Variants in GPHN observed in about 807,000 individuals in gnomAD.
The protein encoded by GPHN is gephyrin.
In GPHN, 17 loss-of-function variants were observed where a neutral mutation model predicts 95.5. The observed-to-expected ratio is 0.18, with a 90% CI of 0.12 to 0.27. GPHN has a LOEUF of 0.27. Ranked by LOEUF, GPHN falls within the 10% of genes least tolerant of loss-of-function variation. GPHN has a pLI of 1.00. For synonymous variants in GPHN, 320 were observed against 322.5 expected (o/e 0.99, Z 0.08); for missense variants, 660 against 978.1 (o/e 0.67, Z 4.34).
intron 1 of GPHN, among the ~76,000 whole-genome samples, chr14:66,639,945 A>G (rs1043722778): frequency 6.6e-6 from 1 of 152,134 alleles, no homozygotes; most frequent in African/African-American, 2.4e-5. Context: ...GTAACTGGGT[A>G]TTCATTGGAG....
the GPHN span, among the ~76,000 whole-genome samples, chr14:67,638,380 G>A: frequency 6.7e-6 from 1 of 148,538 alleles, no homozygotes. Flanking sequence ...AAAAAAAAAA[G>A]AAAAAAAATG....
chr14:66,548,398 T>A (rs1340916914), intron 1 of GPHN, among the ~76,000 whole-genome samples: 1 of 151,848 alleles, frequency 6.6e-6, no homozygotes, highest in East Asian at 1.9e-4. Flanking sequence ...CCAGGCTGGT[T>A]TCGAACTCCT....
At chr14:67,149,618 A>T (rs987778397) in intron 18 of GPHN, among the ~76,000 whole-genome samples, 4 of 152,216 alleles carry the variant, frequency 2.6e-5, no homozygotes, top group African/African-American at 4.8e-5. Flanking sequence ...ACTTATAGTT[A>T]TACTTCTCTG....
At chr14:67,370,335 A>G in the GPHN span, among the ~76,000 whole-genome samples, 1 of 152,270 alleles carries the variant, frequency 6.6e-6, no homozygotes, top group African/African-American at 2.4e-5. Flanking sequence ...CCCAACACAA[A>G]GTAAGTAGAA....
chr14:67,593,592 A>C, the GPHN span: 5 of 592,890 alleles, frequency 8.4e-6, no homozygotes, highest in African/African-American at 1.9e-5. Context: ...TTCCCTATCC[A>C]TGAAAACCTG....
the GPHN span, among the ~76,000 whole-genome samples, chr14:67,325,302 T>C: frequency 2.6e-5 from 4 of 152,244 alleles, no homozygotes. Flanking sequence ...ACTTAACATT[T>C]CTTAATCTAT....
At chr14:67,733,347 G>T in the GPHN span, among the ~76,000 whole-genome samples, 2 of 152,078 alleles carry the variant, frequency 1.3e-5, no homozygotes, top group South Asian at 4.1e-4. Flanking sequence ...CTGAGATTTG[G>T]CATTTTCTTC....
chr14:67,626,667 C>A, the GPHN span, among the ~76,000 whole-genome samples: 32 of 152,248 alleles, frequency 2.1e-4, no homozygotes, highest in Middle Eastern at 3.4e-3. Context: ...GCCATGTTGG[C>A]CAGGTTGGTC....
At chr14:66,602,723 C>CT (rs2062313963) in intron 1 of GPHN, among the ~76,000 whole-genome samples, 1 of 151,716 alleles carries the variant, frequency 6.6e-6, no homozygotes, top group Non-Finnish European at 1.5e-5. Flanking sequence ...GTCAAAAGTA[C>CT]AAATTTCTAC....
chr14:67,177,333 T>G (rs1016336577), intron 21 of GPHN, among the ~76,000 whole-genome samples: 2 of 152,202 alleles, frequency 1.3e-5, no homozygotes, highest in Non-Finnish European at 2.9e-5. Context: ...ATTTCATTAT[T>G]TACCCAGTAG....
chr14:67,348,998 T>C, the GPHN span: 41 of 1,588,252 alleles, frequency 2.6e-5, no homozygotes, highest in Non-Finnish European at 3.4e-5. Flanking sequence ...ATGTCACCTC[T>C]TTTCTCCCCA....
chr14:67,547,908 G>C, the GPHN span, among the ~76,000 whole-genome samples: 1 of 152,190 alleles, frequency 6.6e-6, no homozygotes, highest in African/African-American at 2.4e-5. Flanking sequence ...GAGGAGAGTT[G>C]AGACTGTGCC....
At chr14:66,947,467 C>T (rs1404756969) in intron 8 of GPHN, among the ~76,000 whole-genome samples, 1 of 152,194 alleles carries the variant, frequency 6.6e-6, no homozygotes, top group Non-Finnish European at 1.5e-5. Flanking sequence ...ACATGAGTCA[C>T]ATCTCTTTTA....
chr14:66,590,303 A>G (rs1429104365), intron 1 of GPHN, among the ~76,000 whole-genome samples: 1 of 152,164 alleles, frequency 6.6e-6, no homozygotes, highest in Non-Finnish European at 1.5e-5. Context: ...AGCTAGCAGA[A>G]GACAAGAAAT....
At chr14:66,988,694 C>T (rs2071193592) in intron 9 of GPHN, among the ~76,000 whole-genome samples, 1 of 152,016 alleles carries the variant, frequency 6.6e-6, no homozygotes. Context: ...TCCACTCAAT[C>T]CTGTACATTC....
At chr14:66,932,065 A>C (rs2066827918) in intron 8 of GPHN, among the ~76,000 whole-genome samples, 1 of 152,190 alleles carries the variant, frequency 6.6e-6, no homozygotes, top group Non-Finnish European at 1.5e-5. Flanking sequence ...CCATATGTGC[A>C]TTAGGGGGCA....
chr14:66,621,225 TCGGCC>T, intron 1 of GPHN, among the ~76,000 whole-genome samples: 1 of 151,174 alleles, frequency 6.6e-6, no homozygotes. Context: ...TCCGCCTGCC[TCGGCC>T]TCCCAAAGTG....
chr14:67,230,280 A>C, the GPHN span, among the ~76,000 whole-genome samples: 1 of 152,176 alleles, frequency 6.6e-6, no homozygotes, highest in African/African-American at 2.4e-5. Context: ...TTGGAAAATT[A>C]AGTTAAGACA....
intron 11 of GPHN, among the ~76,000 whole-genome samples, chr14:67,073,455 T>A (rs1401497801): frequency 2.0e-5 from 3 of 152,174 alleles, no homozygotes; most frequent in African/African-American, 7.2e-5. Flanking sequence ...TAGATATTTT[T>A]AAAAATTATT....
Sources: allele counts gnomAD v4.1 joint callset (sites outside exome capture counted in the v4.1 genomes callset), GRCh38; gene constraint gnomAD v4.1.1; transcripts MANE v1.5; gene names NCBI Gene and HGNC (gene_info 2026-07-23, HGNC 2026-07-21).